The following RABGAP1L variants were observed in gnomAD, a reference collection of about 807,000 sequenced individuals.
The protein encoded by RABGAP1L is RAB GTPase activating protein 1 like.
In RABGAP1L, 63 loss-of-function variants were observed where a neutral mutation model predicts 137.7. That is an observed-to-expected ratio of 0.46 (90% CI 0.37 to 0.56). RABGAP1L has a LOEUF of 0.56. Ranked by LOEUF, RABGAP1L falls within the 20% of genes least tolerant of loss-of-function variation. The pLI, the probability that RABGAP1L is intolerant of heterozygous loss-of-function variation, is 0.00. For synonymous variants in RABGAP1L, 431 were observed against 433.7 expected (o/e 0.99, Z 0.08); for missense variants, 1,095 against 1,244.0 (o/e 0.88, Z 1.80).
chr1:174,907,322 AT>A (rs947940281), intron 19 of RABGAP1L, among the ~76,000 whole-genome samples: 16 of 151,112 alleles, frequency 1.1e-4, no homozygotes, highest in East Asian at 7.8e-4. Context: ...TGTCTTTTTA[AT>A]TTTTTTTTAA....
At chr1:174,743,464 G>C (rs1410588123) in intron 17 of RABGAP1L, among the ~76,000 whole-genome samples, 1 of 152,142 alleles carries the variant, frequency 6.6e-6, no homozygotes, top group East Asian at 1.9e-4. Context: ...TGAAACACAT[G>C]TTAAAACCTC....
At chr1:174,924,371 G>A (rs941147352) in intron 19 of RABGAP1L, among the ~76,000 whole-genome samples, 3 of 103,814 alleles carry the variant, frequency 2.9e-5, no homozygotes, top group African/African-American at 1.3e-4. Context: ...TGGTGACAGA[G>A]CAAGACTCTG....
intron 18 of RABGAP1L, among the ~76,000 whole-genome samples, chr1:174,805,807 G>A (rs1193905286): frequency 2.0e-5 from 3 of 152,044 alleles, no homozygotes; most frequent in African/African-American, 7.3e-5. Flanking sequence ...CGGCCTATTA[G>A]TTCTTATTTA....
Position 174,241,646 on chromosome 1 carries a change from A to G in RABGAP1L, c.706A>G (p.Ile236Val), listed in dbSNP as rs776484062. 2 of 1,612,058 alleles carry G rather than the reference A, an allele frequency of 1.2e-6. No homozygotes were observed. The highest frequency in any genetic ancestry group is 2.2e-5 in the East Asian group (1 of 44,844). Residue 236 changes from isoleucine to valine, a missense_variant, in exon 5 of 26, where the codon ATT becomes GTT. Coordinates refer to ENST00000681986, the MANE Select transcript of RABGAP1L (RefSeq NM_001366446.1). ...TCAGATACATGTTTTCTCCTGTGAA[A>G]TTAAAGAGGCAGTAAGTATAATATA... Reference protein sequence around the residue: ...EFQIHVFSCEIKEAVSRILYS... With the variant: ...EFQIHVFSCEVKEAVSRILYS...
At chr1:174,312,910 C>T (rs1572031665) in intron 11 of RABGAP1L, among the ~76,000 whole-genome samples, 1 of 152,092 alleles carries the variant, frequency 6.6e-6, no homozygotes, top group Non-Finnish European at 1.5e-5. Flanking sequence ...TCACTGTAGA[C>T]GTATGGATTT....
chr1:174,280,440 G>C (rs1675418442), intron 10 of RABGAP1L, among the ~76,000 whole-genome samples: 1 of 152,160 alleles, frequency 6.6e-6, no homozygotes, highest in Admixed American at 6.5e-5. Flanking sequence ...TGAGAGTGTT[G>C]AACTTATTGA....
At chr1:174,574,636 G>A (rs915609775) in intron 13 of RABGAP1L, among the ~76,000 whole-genome samples, 2 of 152,012 alleles carry the variant, frequency 1.3e-5, no homozygotes, top group African/African-American at 4.8e-5. Context: ...AAAATGGCAT[G>A]TTTTTTTAAC....
In RABGAP1L at chr1:174,321,579, TG is replaced by T. The variant is rs749522709; in HGVS notation, c.1465+16457del. The stretch of plus-strand genomic sequence containing the variant: ...TAGAAAAGAACCTACATTGAAATAT[TG>T]GGGGTGGTTCCTCTGATAATGAATA... On this transcript the variant is annotated intron_variant, in intron 11 of 25. Transcript: ENST00000681986. Among the ~76,000 whole-genome samples, 62 of 152,160 alleles carry T rather than the reference TG, an allele frequency of 4.1e-4. 1 individual carries two copies. Among genetic ancestry groups the T allele is most frequent in the Non-Finnish European group, 7.2e-4 (49 of 68,020 alleles).
At chr1:174,316,951 C>T (rs1387974395) in intron 11 of RABGAP1L, among the ~76,000 whole-genome samples, 1 of 152,082 alleles carries the variant, frequency 6.6e-6, no homozygotes, top group Non-Finnish European at 1.5e-5. Flanking sequence ...GGAGTACTGC[C>T]AGACTACCAT....
intron 18 of RABGAP1L, among the ~76,000 whole-genome samples, chr1:174,795,115 G>A (rs1688147839): frequency 6.6e-6 from 1 of 152,068 alleles, no homozygotes; most frequent in Admixed American, 6.6e-5. Context: ...ATTAGACCAT[G>A]GCTTTGGGAC....
chr1:174,249,364 T>A (rs1354967224), intron 5 of RABGAP1L, among the ~76,000 whole-genome samples: 1 of 152,116 alleles, frequency 6.6e-6, no homozygotes, highest in Non-Finnish European at 1.5e-5. Context: ...CTGAGGGAAG[T>A]GAAGAGAGAA....
At chr1:174,577,282 T>C (rs1319465492) in intron 13 of RABGAP1L, among the ~76,000 whole-genome samples, 1 of 150,156 alleles carries the variant, frequency 6.7e-6, no homozygotes, top group African/African-American at 2.5e-5. Context: ...GTCAGTGATA[T>C]GTATAGTCAA....
chr1:174,964,461 C>T (rs1669438365), intron 20 of RABGAP1L, among the ~76,000 whole-genome samples: 2 of 152,184 alleles, frequency 1.3e-5, no homozygotes, highest in Non-Finnish European at 2.9e-5. Flanking sequence ...TGAACCGCTT[C>T]ACCCAGACTT....
intron 18 of RABGAP1L, among the ~76,000 whole-genome samples, chr1:174,783,203 A>G (rs1416097092): frequency 6.6e-6 from 1 of 152,112 alleles, no homozygotes; most frequent in Non-Finnish European, 1.5e-5. Flanking sequence ...AAGGCTCGCC[A>G]TTGTTCCTGC....
intron 4 of RABGAP1L, among the ~76,000 whole-genome samples, chr1:174,234,204 C>T (rs1670945036): frequency 1.0e-5 from 1 of 95,396 alleles, no homozygotes; most frequent in Non-Finnish European, 1.9e-5. Flanking sequence ...AATTTTCTTC[C>T]ATTTTGTAGG....
At chr1:174,632,848 G>A (rs997809594) in intron 13 of RABGAP1L, among the ~76,000 whole-genome samples, 10 of 149,782 alleles carry the variant, frequency 6.7e-5, no homozygotes, top group South Asian at 2.1e-4. Flanking sequence ...ATGTCCTCCC[G>A]TAGCTCAGAG....
intron 13 of RABGAP1L, among the ~76,000 whole-genome samples, chr1:174,619,330 A>G (rs1192037496): frequency 2.6e-5 from 4 of 152,242 alleles, no homozygotes; most frequent in Admixed American, 6.5e-5. Context: ...TCTAAGACAC[A>G]TAATTGTCAG....
At chr1:174,802,513 A>G (rs1399663146) in intron 18 of RABGAP1L, among the ~76,000 whole-genome samples, 1 of 152,254 alleles carries the variant, frequency 6.6e-6, no homozygotes, top group Non-Finnish European at 1.5e-5. Flanking sequence ...AGGCTGAGAC[A>G]GGAGAATTGC....
intron 1 of RABGAP1L, among the ~76,000 whole-genome samples, chr1:174,162,350 T>G (rs1664540077): frequency 6.6e-6 from 1 of 152,218 alleles, no homozygotes; most frequent in Non-Finnish European, 1.5e-5. Flanking sequence ...GATACAGCAT[T>G]GAAGCAGAAA....
Sources: gnomAD v4.1 joint callset for allele counts (sites outside exome capture counted in the v4.1 genomes callset) on GRCh38, gnomAD v4.1.1 for gene constraint, MANE v1.5 for transcripts, NCBI Gene and HGNC (gene_info 2026-07-23, HGNC 2026-07-21) for gene names.